Variants in TRPM6 observed in about 807,000 individuals in gnomAD.
TRPM6 encodes the protein channel kinase 2.
Under a neutral mutation model 247.6 loss-of-function variants are expected in TRPM6, and 111 were observed. That is an observed-to-expected ratio of 0.45 (90% confidence interval 0.38 to 0.52). TRPM6 has a LOEUF of 0.52. Among genes scored for constraint, TRPM6 ranks in the 20% least tolerant of loss-of-function variants. TRPM6 has a pLI of 0.00. For synonymous variants in TRPM6, 892 were observed against 853.8 expected (o/e 1.04, Z -0.78); for missense variants, 2,126 against 2,421.5 (o/e 0.88, Z 2.56).
At chr9:74,739,289 CT>C in intron 35 of TRPM6, 77 bp downstream of exon 35, 1 of 1,316,448 alleles carries the variant, frequency 7.6e-7, no homozygotes. Flanking sequence ...GATAAGATTT[CT>C]CATGAGTAAT....
At chr9:74,801,115 TTTG>T (rs1828316058) in intron 16 of TRPM6, among the ~76,000 whole-genome samples, 1 of 151,970 alleles carries the variant, frequency 6.6e-6, no homozygotes, top group African/African-American at 2.4e-5. Flanking sequence ...AATTTGTCTT[TTTG>T]GTAGAGACAG....
intron 25 of TRPM6, among the ~76,000 whole-genome samples, chr9:74,769,100 T>C (rs944945826): frequency 6.6e-6 from 1 of 152,220 alleles, no homozygotes; most frequent in Admixed American, 6.5e-5. Flanking sequence ...ATCTATATTA[T>C]CTCATTTAAT....
intron 31 of TRPM6, among the ~76,000 whole-genome samples, chr9:74,746,032 G>A (rs1262441426): frequency 6.6e-6 from 1 of 152,142 alleles, no homozygotes; most frequent in Non-Finnish European, 1.5e-5. Context: ...CACGAGGTCA[G>A]AAGATTGAGA....
chr9:74,884,562 T>C (rs1380509829), intron 1 of TRPM6, among the ~76,000 whole-genome samples: 2 of 151,990 alleles, frequency 1.3e-5, no homozygotes, highest in African/African-American at 4.8e-5. Flanking sequence ...AAAGCACATC[T>C]AAATAATATG....
chr9:74,726,444 A>T (rs750543631), intron 38 of TRPM6, among the ~76,000 whole-genome samples: 14 of 152,244 alleles, frequency 9.2e-5, no homozygotes, highest in Non-Finnish European at 1.8e-4. Context: ...CGGGAGACGG[A>T]GGTTGCAGTG....
rs483352743 is a variant in TRPM6 at position 74,738,583 on chromosome 9, T to C, written c.5600A>G (p.His1867Arg). Residue 1867 changes from histidine (H) to arginine (R), a missense_variant, in exon 36 of 39, where the codon CAT becomes CGT. By Grantham distance (29) the His-to-Arg change is conservative. Around this residue, in one of 3 missense-constraint regions of TRPM6, gnomAD observed 327 missense variants for 397.7 expected, o/e 0.82. Transcript: ENST00000360774. ...RFLEVFLIYC[H>R]SANQWLTIEK... ...AATGGTCAACCACTGGTTGGCTGAA[T>C]GGCAGTAGATTAAGAAAACTTCCAG... 1 of 1,614,080 alleles carries C rather than the reference T, an allele frequency of 6.2e-7. No homozygotes were observed. Among genetic ancestry groups the C allele is most frequent in the African/African-American group, 1.3e-5 (1 of 75,038 alleles).
chr9:74,887,421 C>T, intron 1 of TRPM6: 2 of 1,226,784 alleles, frequency 1.6e-6, no homozygotes, highest in Non-Finnish European at 2.2e-6. Context: ...CTTCTCTCCT[C>T]CGGATTCTCA....
intron 6 of TRPM6, among the ~76,000 whole-genome samples, chr9:74,832,317 G>A (rs974523794): frequency 6.6e-6 from 1 of 151,914 alleles, no homozygotes; most frequent in African/African-American, 2.4e-5. Context: ...AAAAATAAAA[G>A]CAAGTCAAGA....
chr9:74,747,151 G>C (rs973814016), intron 31 of TRPM6, among the ~76,000 whole-genome samples: 1 of 152,194 alleles, frequency 6.6e-6, no homozygotes, highest in African/African-American at 2.4e-5. Flanking sequence ...ACACCCCATG[G>C]GCTAAAGATC....
intron 7 of TRPM6, among the ~76,000 whole-genome samples, chr9:74,826,418 C>T (rs1488381669): frequency 2.0e-5 from 3 of 152,174 alleles, no homozygotes; most frequent in Non-Finnish European, 4.4e-5. Context: ...GGACTTGAGC[C>T]TCCTGAAGGC....
At chr9:74,763,712 T>C (rs930280712) in intron 25 of TRPM6, among the ~76,000 whole-genome samples, 1 of 152,248 alleles carries the variant, frequency 6.6e-6, no homozygotes, top group Non-Finnish European at 1.5e-5. Context: ...AGAAGACTTA[T>C]ATTCAGAAAA....
chr9:74,866,451 G>A (rs1830845654), intron 1 of TRPM6, among the ~76,000 whole-genome samples: 1 of 151,948 alleles, frequency 6.6e-6, no homozygotes, highest in African/African-American at 2.4e-5. Context: ...ACTATCAGTA[G>A]GTTTGATTTT....
At chr9:74,852,373 T>TA (rs1250399567) in intron 3 of TRPM6, among the ~76,000 whole-genome samples, 3,145 of 143,484 alleles carry the variant, frequency 0.022, 110 homozygotes, top group African/African-American at 0.071. Flanking sequence ...TTTCTTTCAA[T>TA]AAAAAAAAAA....
Position 74,723,830 on chromosome 9 carries a change from T to C in TRPM6, c.*783A>G, listed in dbSNP as rs967622075. 1.4e-5 allele frequency: 2 copies of C among 146,334 alleles called. No homozygotes were observed. The highest frequency in any genetic ancestry group is 2.1e-4 in the South Asian group (1 of 4,740). The allele number at this position is 146,334 out of a possible 1,614,324, so 9.1% of individuals were successfully genotyped here. A position where few individuals can be genotyped will look rare whatever the true frequency, so the allele number is the denominator to read the frequency against. ...AAAATATATATATATATATATAAAA[T>C]ATATATATTCCATATGTATTTTATA... On this transcript the variant is annotated 3_prime_UTR_variant, in exon 39 of 39. Coordinates refer to ENST00000360774, the MANE Select transcript of TRPM6 (RefSeq NM_017662.5).
At chr9:74,796,952 A>G in intron 17 of TRPM6, 59 bp from the exon 18 acceptor site, 1 of 1,429,760 alleles carries the variant, frequency 7.0e-7, no homozygotes, top group South Asian at 1.2e-5. Context: ...CATACTAGAC[A>G]AATAACAAAA....
chr9:74,826,561 T>C (rs1219830671), intron 7 of TRPM6, among the ~76,000 whole-genome samples: 1 of 152,062 alleles, frequency 6.6e-6, no homozygotes, highest in African/African-American at 2.4e-5. Context: ...TCAGCCCTCC[T>C]GCTCTCTGTA....
At position 74,723,887 on chromosome 9, in the gene TRPM6, T is replaced by C. The variant is rs1342484978; in HGVS notation, c.*726A>G. ...ATATATATATTCCATATATATTATA[T>C]ATATAAAAATATATATAATATACAT... On this transcript the variant is annotated 3_prime_UTR_variant, in exon 39 of 39. Coordinates refer to ENST00000360774, the MANE Select transcript of TRPM6 (RefSeq NM_017662.5). The C allele has an allele frequency of 6.9e-6, 1 of 144,560 alleles. No homozygotes were observed. The highest frequency in any genetic ancestry group is 1.5e-5 in the Non-Finnish European group (1 of 65,980). The allele number at this position is 144,560 out of a possible 1,614,324, so 9.0% of individuals were successfully genotyped here.
chr9:74,810,218 G>A (rs746113666), intron 13 of TRPM6, among the ~76,000 whole-genome samples: 1 of 152,024 alleles, frequency 6.6e-6, no homozygotes, highest in Non-Finnish European at 1.5e-5. Context: ...AAGAAACTGA[G>A]GTATAAAAGT....
chr9:74,822,898 T>C (rs932376111), intron 7 of TRPM6, among the ~76,000 whole-genome samples: 3 of 152,224 alleles, frequency 2.0e-5, no homozygotes, highest in African/African-American at 7.2e-5. Context: ...CCTGTATGTA[T>C]AGCATGTTAT....
Sources: gnomAD v4.1 joint callset for allele counts (sites outside exome capture counted in the v4.1 genomes callset) on GRCh38, gnomAD v4.1.1 for gene constraint, gnomAD v4.1.1 regional missense constraint, MANE v1.5 for transcripts, NCBI Gene and HGNC (gene_info 2026-07-23, HGNC 2026-07-21) for gene names.